Variants in KCTD8 observed in about 807,000 individuals in gnomAD.
KCTD8 encodes potassium channel tetramerization domain containing 8, also known as BTB/POZ domain-containing protein KCTD8.
In KCTD8, 27 loss-of-function variants were observed where a neutral mutation model predicts 31.5. The observed-to-expected ratio is 0.86, with a 90% CI of 0.63 to 1.18. The LOEUF (loss-of-function observed/expected upper bound fraction) is 1.18. KCTD8 is among the 50% of genes most tolerant of loss of function. KCTD8 has a pLI of 0.00. For synonymous variants in KCTD8, 290 were observed against 280.0 expected (o/e 1.04, Z -0.36); for missense variants, 658 against 647.7 (o/e 1.02, Z -0.17).
intron 1 of KCTD8, among the ~76,000 whole-genome samples, chr4:44,379,235 G>A (rs759611752): frequency 2.6e-5 from 4 of 151,930 alleles, no homozygotes; most frequent in South Asian, 2.1e-4. Flanking sequence ...TCTATCCAGG[G>A]GGCAATTGTT....
At chr4:44,262,056 A>G (rs1049543382) in intron 1 of KCTD8, among the ~76,000 whole-genome samples, 26 of 152,200 alleles carry the variant, frequency 1.7e-4, no homozygotes, top group African/African-American at 6.0e-4. Context: ...TTGAAATAGA[A>G]GAACAAGAGA....
chr4:44,373,131 G>A (rs1384769381), intron 1 of KCTD8, among the ~76,000 whole-genome samples: 1 of 152,112 alleles, frequency 6.6e-6, no homozygotes, highest in East Asian at 1.9e-4. Flanking sequence ...TTGGGAGGCC[G>A]AGGAGGGTGG....
intron 1 of KCTD8, among the ~76,000 whole-genome samples, chr4:44,446,707 A>G (rs1721946796): frequency 6.6e-6 from 1 of 152,186 alleles, no homozygotes. Context: ...ACCCTGAGAA[A>G]GTGGACTCAA....
chr4:44,194,498 C>T (rs1178561085), intron 1 of KCTD8, among the ~76,000 whole-genome samples: 2 of 152,034 alleles, frequency 1.3e-5, no homozygotes, highest in Admixed American at 6.5e-5. Flanking sequence ...TAATTATGAG[C>T]TATATTAATG....
rs113965031 is a variant in KCTD8 at position 44,405,241 on chromosome 4, TTTTG to T, written c.961+42318_961+42321del. Among the ~76,000 whole-genome samples, 193 of 149,406 alleles carry T rather than the reference TTTTG, an allele frequency of 1.3e-3. 2 individuals are homozygous for T. The highest frequency in any genetic ancestry group is 6.2e-3 in the Admixed American group (93 of 14,988). Reference sequence around the variant, plus strand: ...GACAAAGCTTTGATCAGCCAGGTGTTTTTGTTTGTTTGTTTGTTTGTTTGTTTGT... The same window carrying T: ...GACAAAGCTTTGATCAGCCAGGTGTTTTTGTTTGTTTGTTTGTTTGTTTGT... On this transcript the variant is annotated intron_variant, in intron 1 of 1. Coordinates refer to ENST00000360029, the MANE Select transcript of KCTD8 (RefSeq NM_198353.3).
At chr4:44,194,815 C>CCCTCCCTTCCTTCCTTCCTTCCTT (rs1713887952) in intron 1 of KCTD8, among the ~76,000 whole-genome samples, 3 of 94,744 alleles carry the variant, frequency 3.2e-5, no homozygotes, top group African/African-American at 1.5e-4. Flanking sequence ...CTCCCTCCCT[C>CCCTCCCTTCCTTCCTTCCTTCCTT]CCTTCCTTCC....
chr4:44,291,962 A>G lies in KCTD8; in HGVS notation c.962-116712T>C, dbSNP rs1021039956. ...ACACCAGTCAGATTGGCTATTATGA[A>G]AAAAAAAAAAAAAAAAAAAAACAGG... On this transcript the variant is annotated intron_variant, in intron 1 of 1. Transcript: ENST00000360029. Among the ~76,000 whole-genome samples, 89 of 30,430 alleles carry G rather than the reference A, an allele frequency of 2.9e-3. 1 individual carries two copies. The East Asian group carries it at 0.05, about 17-fold the overall frequency. 20.0% of individuals were successfully genotyped at this position (30,430 alleles called of 152,430 possible).
chr4:44,261,918 A>G (rs1716193946), intron 1 of KCTD8, among the ~76,000 whole-genome samples: 1 of 152,052 alleles, frequency 6.6e-6, no homozygotes, highest in African/African-American at 2.4e-5. Flanking sequence ...TATAATTTTT[A>G]GTTGTCAATT....
chr4:44,283,978 G>A lies in KCTD8; in HGVS notation c.962-108728C>T, dbSNP rs182984309. ...GACCACTGCTCAAGGAAATAAAAGA[G>A]GACACAGACATTTGGAAAAACATTC... On this transcript the variant is annotated intron_variant, in intron 1 of 1. Coordinates refer to ENST00000360029, the MANE Select transcript of KCTD8 (RefSeq NM_198353.3). Among the ~76,000 whole-genome samples, 606 of 152,162 alleles carry A rather than the reference G, an allele frequency of 4.0e-3. 1 individual carries two copies. The highest frequency in any genetic ancestry group is 6.6e-3 in the Non-Finnish European group (452 of 68,012).
intron 1 of KCTD8, among the ~76,000 whole-genome samples, chr4:44,227,861 C>A (rs1013448237): frequency 6.6e-6 from 1 of 152,124 alleles, no homozygotes; most frequent in Non-Finnish European, 1.5e-5. Flanking sequence ...AGCACCTACA[C>A]CCTTCATCCA....
chr4:44,285,113 C>T (rs1717025583), intron 1 of KCTD8, among the ~76,000 whole-genome samples: 1 of 152,128 alleles, frequency 6.6e-6, no homozygotes, highest in Non-Finnish European at 1.5e-5. Context: ...CCAGCAATCC[C>T]ATTACTGGGC....
intron 1 of KCTD8, among the ~76,000 whole-genome samples, chr4:44,267,757 T>A (rs1201567254): frequency 1.3e-5 from 2 of 152,152 alleles, no homozygotes; most frequent in African/African-American, 2.4e-5. Context: ...CAGAGAATAC[T>A]ACAAACACCT....
chr4:44,220,249 G>T (rs781297333), intron 1 of KCTD8, among the ~76,000 whole-genome samples: 3 of 152,158 alleles, frequency 2.0e-5, no homozygotes, highest in Non-Finnish European at 4.4e-5. Context: ...GATGATGAAA[G>T]ATTTGCTTGT....
At chr4:44,309,200 T>G (rs1044761732) in intron 1 of KCTD8, among the ~76,000 whole-genome samples, 1 of 152,004 alleles carries the variant, frequency 6.6e-6, no homozygotes, top group Non-Finnish European at 1.5e-5. Flanking sequence ...TATGTCTGGC[T>G]AATTTTTGTA....
At chr4:44,205,651 C>T (rs77179228) in intron 1 of KCTD8, among the ~76,000 whole-genome samples, 6,345 of 152,230 alleles carry the variant, frequency 0.042, 450 homozygotes, top group African/African-American at 0.15. Context: ...TAAGTTACCA[C>T]TGTAGTGTTA....
chr4:44,395,109 G>T (rs1376479044), intron 1 of KCTD8, among the ~76,000 whole-genome samples: 1 of 152,004 alleles, frequency 6.6e-6, no homozygotes, highest in Non-Finnish European at 1.5e-5. Flanking sequence ...TTCCTCCAAT[G>T]GTTAGTAGCC....
intron 1 of KCTD8, among the ~76,000 whole-genome samples, chr4:44,377,376 A>C (rs570046646): frequency 6.6e-6 from 1 of 152,308 alleles, no homozygotes; most frequent in African/African-American, 2.4e-5. Flanking sequence ...TCTAAGAGAA[A>C]GCACACTGGC....
intron 1 of KCTD8, among the ~76,000 whole-genome samples, chr4:44,322,198 C>A (rs1483165245): frequency 6.6e-6 from 1 of 152,004 alleles, no homozygotes; most frequent in African/African-American, 2.4e-5. Context: ...AATGGCTATA[C>A]CATTTTACAT....
At chr4:44,267,307 A>C (rs1253007019) in intron 1 of KCTD8, among the ~76,000 whole-genome samples, 1 of 152,124 alleles carries the variant, frequency 6.6e-6, no homozygotes, top group Non-Finnish European at 1.5e-5. Context: ...GGGTACATAA[A>C]GAAATGAAGG....
Sources: allele counts gnomAD v4.1 joint callset (sites outside exome capture counted in the v4.1 genomes callset), GRCh38; gene constraint gnomAD v4.1.1; transcripts MANE v1.5; gene names NCBI Gene and HGNC (gene_info 2026-07-23, HGNC 2026-07-21).